Variants in STK17A observed in about 807,000 individuals in gnomAD.
The protein encoded by STK17A is serine/threonine kinase 17a.
A neutral mutation model predicts 43.7 loss-of-function variants in STK17A; 26 were observed. The ratio of observed to expected loss-of-function variants is 0.60; its 90% CI spans 0.44 to 0.83. STK17A has a LOEUF of 0.83. STK17A is among the 40% of genes least tolerant of loss of function. The pLI is 0.00. For missense variants in STK17A, 476 were observed against 511.6 expected (o/e 0.93, Z 0.67); for synonymous variants, 191 against 182.5 (o/e 1.05, Z -0.38).
Position 43,595,974 on chromosome 7 carries a change from A to C in STK17A, c.280A>C (p.Lys94Gln). The change falls in exon 2 of 7, where the codon AAA (lysine) becomes CAA (glutamine). Residue 94 changes from lysine (K) to glutamine (Q), a missense_variant. Lys to Gln is a moderately conservative substitution (Grantham distance 53, BLOSUM62 1). This residue lies in a region of STK17A where 320 missense variants were observed against 326.3 expected (regional missense o/e 0.98). Transcript: ENST00000319357. ...GKEFAAKFMR[K>Q]RRKGQDCRME... ...AGAATTTGCTGCAAAGTTCATGAGA[A>C]AAAGAAGAAAAGGCCAAGATTGTCG... 2 of 1,613,994 alleles carry C rather than the reference A, an allele frequency of 1.2e-6. No homozygotes were observed. Among genetic ancestry groups the C allele is most frequent in the Non-Finnish European group, 1.7e-6 (2 of 1,179,952 alleles).
chr7:43,616,774 G>C (rs1258321339), intron 3 of STK17A, among the ~76,000 whole-genome samples: 1 of 151,710 alleles, frequency 6.6e-6, no homozygotes, highest in Non-Finnish European at 1.5e-5. Context: ...GCGGGCTCCT[G>C]TAGTCCCAGC....
Position 43,619,673 on chromosome 7 carries a change from TGAA to T in STK17A, c.645_647del (p.Lys215del). On this transcript the variant is annotated inframe_deletion, in exon 4 of 7. Transcript: ENST00000319357. ...GTTGATTTTGGCCTTTCAAGAATATTGAAGAACAGTGAAGAGCTCCGAGAAATT... is the reference window on the plus strand; with the variant it reads ...GTTGATTTTGGCCTTTCAAGAATATTGAACAGTGAAGAGCTCCGAGAAATT... 7 of 1,614,142 alleles carry T rather than the reference TGAA, an allele frequency of 4.3e-6. No individual in the cohort carries two copies. Among genetic ancestry groups the T allele is most frequent in the South Asian group, 1.1e-5 (1 of 91,082 alleles).
chr7:43,621,774 G>GT (rs1255281994), intron 4 of STK17A, among the ~76,000 whole-genome samples: 1 of 152,104 alleles, frequency 6.6e-6, no homozygotes, highest in Non-Finnish European at 1.5e-5. Flanking sequence ...TATAATGGAA[G>GT]TACAAGCTCA....
rs2082511770 is a variant in STK17A, at chr7:43,595,913, A to G, written c.219A>G (p.Ala73=). Residue 73 remains alanine (A), a synonymous_variant, in exon 2 of 7, where the codon GCA becomes GCG. Transcript: ENST00000319357. ...TGTTTAATTCTAGGGGGAAATTTGC[A>G]GTGGTGAGAAAATGTATAAAGAAAG... The part of the protein sequence containing the change: ...PGRELGRGKF[A]VVRKCIKKDS... 8 of 1,613,308 alleles carry G rather than the reference A, an allele frequency of 5.0e-6. No individual in the cohort carries two copies. Among genetic ancestry groups the G allele is most frequent in the Admixed American group, 1.7e-5 (1 of 59,940 alleles).
At chr7:43,613,099 G>A (rs186538294) in intron 3 of STK17A, among the ~76,000 whole-genome samples, 1 of 152,312 alleles carries the variant, frequency 6.6e-6, no homozygotes, top group Admixed American at 6.5e-5. Flanking sequence ...ATAGCACAAA[G>A]AAATCTGGTC....
chr7:43,619,747 T>C (rs1356327469), intron 4 of STK17A, 24 bp downstream of exon 4: 16 of 1,611,134 alleles, frequency 9.9e-6, no homozygotes, highest in Non-Finnish European at 1.4e-5. Context: ...AAAGTAGTTT[T>C]GTTCTGGGGT....
chr7:43,619,465 C>CT, intron 3 of STK17A, 132 bp from the exon 4 acceptor site: 1 of 1,178,504 alleles, frequency 8.5e-7, no homozygotes, highest in Non-Finnish European at 1.2e-6. Flanking sequence ...AAAAATATTT[C>CT]TTTAACAAAT....
At chr7:43,586,027 G>A (rs535218140) in intron 1 of STK17A, among the ~76,000 whole-genome samples, 1 of 151,688 alleles carries the variant, frequency 6.6e-6, no homozygotes, top group South Asian at 2.1e-4. Flanking sequence ...ATAGCTAAGT[G>A]TGTCTCTGCT....
intron 3 of STK17A, among the ~76,000 whole-genome samples, chr7:43,612,937 C>G (rs1231349164): frequency 6.6e-6 from 1 of 152,084 alleles, no homozygotes; most frequent in Non-Finnish European, 1.5e-5. Flanking sequence ...TAAAATGTTG[C>G]AGAAATTGCA....
intron 3 of STK17A, among the ~76,000 whole-genome samples, chr7:43,612,675 A>G (rs2082982062): frequency 6.6e-6 from 1 of 152,214 alleles, no homozygotes; most frequent in African/African-American, 2.4e-5. Flanking sequence ...AGTTGCTTCT[A>G]TTAAGGATAT....
At chr7:43,585,888 C>T (rs982065619) in intron 1 of STK17A, among the ~76,000 whole-genome samples, 1 of 151,482 alleles carries the variant, frequency 6.6e-6, no homozygotes, top group Non-Finnish European at 1.5e-5. Flanking sequence ...TCAAAAAATG[C>T]CTCTATGTCT....
At chr7:43,587,317 G>A (rs2082450676) in intron 1 of STK17A, among the ~76,000 whole-genome samples, 1 of 150,846 alleles carries the variant, frequency 6.6e-6, no homozygotes, top group African/African-American at 2.4e-5. Context: ...ACCATGCCTG[G>A]CTAATTTTTT....
chr7:43,623,015 G>C (rs2084082756), intron 4 of STK17A: 1 of 152,438 alleles, frequency 6.6e-6, no homozygotes, highest in African/African-American at 2.4e-5. Flanking sequence ...TTCTATAGAT[G>C]CAACTTAGTT....
At position 43,625,169 on chromosome 7, in the gene STK17A, A is replaced by G. The variant is rs1404454298; in HGVS notation, c.*327A>G. 4.9e-6 allele frequency: 1 copy of G among 204,116 alleles called. No homozygotes were observed. Among genetic ancestry groups the G allele is most frequent in the Non-Finnish European group, 9.9e-6 (1 of 100,958 alleles). 12.6% of individuals were successfully genotyped at this position (204,116 alleles called of 1,614,324 possible). ...TCACTTTCTTTAAAAAATCCAAGTA[A>G]AAGTGCCAAAACTACACTTCTGTAA... On this transcript the variant is annotated 3_prime_UTR_variant, in exon 7 of 7. Coordinates refer to ENST00000319357, the MANE Select transcript of STK17A (RefSeq NM_004760.3).
At chr7:43,623,964 T>G (rs191222286) in intron 6 of STK17A, 76 bp downstream of exon 6, 1 of 1,098,538 alleles carries the variant, frequency 9.1e-7, no homozygotes, top group African/African-American at 1.6e-5. Context: ...ACTGACAGTT[T>G]TTTCTTGAAT....
At chr7:43,603,360 T>C (rs955508446) in intron 2 of STK17A, among the ~76,000 whole-genome samples, 32 of 152,176 alleles carry the variant, frequency 2.1e-4, no homozygotes, top group African/African-American at 7.7e-4. Flanking sequence ...ATTGTTGTTA[T>C]GGAAACAGGC....
chr7:43,587,641 A>G (rs541480104), intron 1 of STK17A, among the ~76,000 whole-genome samples: 6 of 151,682 alleles, frequency 4.0e-5, no homozygotes, highest in South Asian at 4.1e-4. Context: ...AGCGTGTGTC[A>G]TAAGTTATCA....
chr7:43,597,705 G>A (rs1390464071), intron 2 of STK17A, among the ~76,000 whole-genome samples: 2 of 152,126 alleles, frequency 1.3e-5, no homozygotes, highest in Non-Finnish European at 2.9e-5. Flanking sequence ...AGCCAAAGTG[G>A]GAAGATTTCT....
chr7:43,590,577 C>A (rs1048604325), intron 1 of STK17A, among the ~76,000 whole-genome samples: 79 of 151,468 alleles, frequency 5.2e-4, no homozygotes, highest in African/African-American at 1.8e-3. Flanking sequence ...CAGTTTTGTA[C>A]CTATTAGCAA....
Sources: gnomAD v4.1 joint callset for allele counts (sites outside exome capture counted in the v4.1 genomes callset) on GRCh38, gnomAD v4.1.1 for gene constraint, gnomAD v4.1.1 regional missense constraint, MANE v1.5 for transcripts, NCBI Gene and HGNC (gene_info 2026-07-23, HGNC 2026-07-21) for gene names.